Variants in HHIP observed in about 807,000 individuals in gnomAD.
HHIP encodes hedgehog-interacting protein.
A neutral mutation model predicts 74.0 loss-of-function variants in HHIP; 12 were observed. The observed-to-expected ratio is 0.16, with a 90% confidence interval of 0.10 to 0.26. HHIP has a LOEUF of 0.26. HHIP is among the 10% of genes least tolerant of loss of function. The pLI is 1.00. For synonymous variants in HHIP, 309 were observed against 311.6 expected, an observed-to-expected ratio of 0.99 and a Z score of 0.09; for missense variants, 788 against 845.0, an observed-to-expected ratio of 0.93 and a Z score of 0.84.
chr4:144,689,648 C>T (rs1729588565), intron 4 of HHIP, among the ~76,000 whole-genome samples: 1 of 152,104 alleles, frequency 6.6e-6, no homozygotes, highest in Non-Finnish European at 1.5e-5. Context: ...ATTTTATAGA[C>T]CATTATTTGT....
At chr4:144,658,669 G>A (rs1299001418) in intron 2 of HHIP, 121 bp from the exon 3 acceptor site, 1 of 742,904 alleles carries the variant, frequency 1.3e-6, no homozygotes, top group Non-Finnish European at 2.1e-6. Flanking sequence ...TTCAGTCTAG[G>A]TTCTTCCTAA....
intron 1 of HHIP, chr4:144,647,183 A>G (rs1275147983): frequency 8.3e-6 from 4 of 480,480 alleles, no homozygotes; most frequent in Non-Finnish European, 1.1e-5. Flanking sequence ...AAACTTGCCT[A>G]TCTCTGAAAA....
At chr4:144,737,256 A>G (rs1378195915) in intron 12 of HHIP, among the ~76,000 whole-genome samples, 1 of 152,190 alleles carries the variant, frequency 6.6e-6, no homozygotes, top group Non-Finnish European at 1.5e-5. Context: ...AAGAGGAAGG[A>G]AGAATCCAAG....
chr4:144,669,944 A>G (rs1728985898), intron 4 of HHIP, among the ~76,000 whole-genome samples: 3 of 148,918 alleles, frequency 2.0e-5, no homozygotes, highest in Admixed American at 1.4e-4. Flanking sequence ...GATCCAGACT[A>G]TCCTGACAAA....
chr4:144,651,733 T>G (rs1728432697), intron 1 of HHIP, among the ~76,000 whole-genome samples: 1 of 147,970 alleles, frequency 6.8e-6, no homozygotes, highest in Non-Finnish European at 1.5e-5. Flanking sequence ...AGTCAGGTTT[T>G]TAAAGTTACT....
chr4:144,669,138 T>C (rs371087213), intron 4 of HHIP, among the ~76,000 whole-genome samples: 5 of 152,158 alleles, frequency 3.3e-5, no homozygotes, highest in African/African-American at 9.6e-5. Context: ...TCTGTAATTA[T>C]GTTGAGCTAT....
intron 7 of HHIP, 125 bp from the exon 8 acceptor site, chr4:144,711,825 C>T (rs989292283): frequency 2.4e-6 from 2 of 817,902 alleles, no homozygotes; most frequent in African/African-American, 3.4e-5. Flanking sequence ...TCTAGAAGAT[C>T]CAAACTAAAT....
In HHIP at chr4:144,646,261, G is replaced by C. The variant is rs1356875862; in HGVS notation, c.-415G>C. On this transcript the variant is annotated 5_prime_UTR_variant, in exon 1 of 13. Transcript: ENST00000296575. ...CGCCTGCCCCGCCGCCGCCGTCGCC[G>C]TTTCTGTTCCTGCTACTGTCCCACC... The C allele has an allele frequency of 6.0e-6, 1 of 167,190 alleles. No individual in the cohort carries two copies. Among genetic ancestry groups the C allele is most frequent in the African/African-American group, 2.4e-5 (1 of 41,828 alleles). The allele number at this position is 167,190 out of a possible 1,614,324, so 10.4% of individuals were successfully genotyped here. A position where few individuals can be genotyped will look rare whatever the true frequency, so the allele number is the denominator to read the frequency against.
chr4:144,649,033 A>G (rs548753446), intron 1 of HHIP, among the ~76,000 whole-genome samples: 1 of 152,318 alleles, frequency 6.6e-6, no homozygotes, highest in African/African-American at 2.4e-5. Flanking sequence ...GAGATTTGCT[A>G]TAGCTATGCA....
rs574807895 is a variant in HHIP at position 144,647,446 on chromosome 4, G to T, written c.279+492G>T. On this transcript the variant is annotated intron_variant, in intron 1 of 12. Coordinates refer to ENST00000296575, the MANE Select transcript of HHIP (RefSeq NM_022475.3). ...TTATGATCCCCAGCCCCGTCAGAGG[G>T]GGGTGTCTTGCATTACATTAGTTAA... 2.2e-3 allele frequency among the ~76,000 whole-genome samples: 330 copies of T among 152,302 alleles called. 1 individual carries two copies. The highest frequency in any genetic ancestry group is 3.6e-3 in the Non-Finnish European group (247 of 68,024).
intron 1 of HHIP, chr4:144,650,490 G>A (rs1038082513): frequency 1.3e-5 from 2 of 152,050 alleles, no homozygotes; most frequent in Non-Finnish European, 2.9e-5. Flanking sequence ...ACCTATATAA[G>A]ACACAGACAC....
Position 144,652,657 on chromosome 4 carries a change from A to C in HHIP, c.332A>C (p.Lys111Thr). The C allele has an allele frequency of 6.2e-7, 1 of 1,611,720 alleles. No homozygotes were observed. ...TGTGGGAAGTTACTGGAGGAAATCA[A>C]ATGTGCACTTTGCTCTCCACATTCT... is the stretch of plus-strand genomic sequence containing the variant. ...TECGKLLEEI[K>T]CALCSPHSQS... Residue 111 changes from lysine (K) to threonine (T), a missense_variant, in exon 2 of 13, where the codon AAA (lysine) becomes ACA (threonine). Physicochemically the swap from Lys to Thr is moderately conservative, Grantham distance 78. Around this residue, in one of 3 missense-constraint regions of HHIP, gnomAD observed 373 missense variants for 366.4 expected, o/e 1.02. Coordinates refer to ENST00000296575, the MANE Select transcript of HHIP (RefSeq NM_022475.3).
chr4:144,717,346 A>G (rs1414089220), intron 10 of HHIP, among the ~76,000 whole-genome samples: 2 of 152,172 alleles, frequency 1.3e-5, no homozygotes, highest in East Asian at 3.8e-4. Context: ...ACAAAATAAT[A>G]TTAATTCTTT....
chr4:144,668,106 C>T (rs974623949), intron 4 of HHIP, among the ~76,000 whole-genome samples: 5 of 150,480 alleles, frequency 3.3e-5, no homozygotes, highest in African/African-American at 1.2e-4. Flanking sequence ...CATTTGACGT[C>T]AGGAATTCAA....
chr4:144,720,949 T>C (rs1416105852), intron 11 of HHIP, among the ~76,000 whole-genome samples: 3 of 152,152 alleles, frequency 2.0e-5, no homozygotes, highest in Admixed American at 2.0e-4. Context: ...ACAGTAGTGT[T>C]CAGGAGGTCT....
chr4:144,675,475 A>G (rs992436227), intron 4 of HHIP, among the ~76,000 whole-genome samples: 1 of 151,982 alleles, frequency 6.6e-6, no homozygotes, highest in East Asian at 1.9e-4. Context: ...AAAAACCCTT[A>G]TTTGGCTATA....
At chr4:144,726,675 T>C (rs935221944) in intron 11 of HHIP, among the ~76,000 whole-genome samples, 2 of 152,058 alleles carry the variant, frequency 1.3e-5, no homozygotes, top group African/African-American at 4.8e-5. Context: ...AACATGAAAG[T>C]AGTTATGTAG....
rs1433934946 is a variant in HHIP at position 144,704,427 on chromosome 4, C to T, written c.832-2104C>T. On this transcript the variant is annotated intron_variant, in intron 4 of 12. Transcript: ENST00000296575. ...GGCACTTTAGTAAATGTCAAAAATG[C>T]CCCCAAAGTCATTTATGTGATAGAT... Among the ~76,000 whole-genome samples, 9 of 152,236 alleles carry T rather than the reference C, an allele frequency of 5.9e-5. No individual in the cohort carries two copies. The East Asian group carries it at 1.7e-3, about 29-fold the overall frequency.
chr4:144,668,089 G>A (rs758285698), intron 4 of HHIP, among the ~76,000 whole-genome samples: 1 of 151,960 alleles, frequency 6.6e-6, no homozygotes, highest in African/African-American at 2.4e-5. Flanking sequence ...AGGCCGAGCC[G>A]GAGGACCATT....
Sources: gnomAD v4.1 joint callset for allele counts (sites outside exome capture counted in the v4.1 genomes callset) on GRCh38, gnomAD v4.1.1 for gene constraint, gnomAD v4.1.1 regional missense constraint, MANE v1.5 for transcripts, NCBI Gene and HGNC (gene_info 2026-07-23, HGNC 2026-07-21) for gene names.